FAM107B: variants seen among roughly 807,000 people sequenced by gnomAD.
FAM107B encodes family with sequence similarity 107 member B.
In FAM107B, 21 loss-of-function variants were observed where a neutral mutation model predicts 31.5. The observed-to-expected ratio is 0.67, with a 90% CI of 0.47 to 0.96. The LOEUF is 0.96. FAM107B is among the 40% of genes least tolerant of loss of function. The probability of loss-of-function intolerance (pLI) is 0.00; values close to 1 mark genes in which losing one functional copy is unlikely to be tolerated. For missense variants in FAM107B, 452 were observed against 377.1 expected (o/e 1.20, Z -1.64); for synonymous variants, 157 against 141.5 (o/e 1.11, Z -0.78).
At chr10:14,723,506 A>G in intron 1 of FAM107B, 1 of 603,234 alleles carries the variant, frequency 1.7e-6, no homozygotes, top group Non-Finnish European at 3.1e-6. Context: ...CCACACATGC[A>G]CAAAACTTCC....
At chr10:14,759,406 C>T (rs547763224) in intron 1 of FAM107B, among the ~76,000 whole-genome samples, 2 of 152,236 alleles carry the variant, frequency 1.3e-5, no homozygotes, top group South Asian at 2.1e-4. Context: ...TCTTTCCTGG[C>T]GCCATCCCCA....
At chr10:14,551,320 T>A (rs1849241581) in intron 2 of FAM107B, among the ~76,000 whole-genome samples, 1 of 152,108 alleles carries the variant, frequency 6.6e-6, no homozygotes, top group South Asian at 2.1e-4. Flanking sequence ...AATTTTTGTA[T>A]TTTCAGTAGA....
intron 2 of FAM107B, among the ~76,000 whole-genome samples, chr10:14,664,754 A>C (rs1005726692): frequency 6.6e-6 from 1 of 152,234 alleles, no homozygotes; most frequent in Non-Finnish European, 1.5e-5. Context: ...CATAATTCCT[A>C]TTACAATATC....
At chr10:14,536,443 C>A (rs578141833) in intron 2 of FAM107B, among the ~76,000 whole-genome samples, 7 of 152,144 alleles carry the variant, frequency 4.6e-5, no homozygotes, top group Admixed American at 3.9e-4. Flanking sequence ...ACCCAAGTTA[C>A]GTAAGGTGGA....
chr10:14,605,655 A>G (rs777699268), intron 2 of FAM107B, among the ~76,000 whole-genome samples: 115 of 152,302 alleles, frequency 7.6e-4, no homozygotes, highest in Middle Eastern at 3.4e-3. Flanking sequence ...TGAGGGGTGG[A>G]ATCCCTGCCA....
At chr10:14,574,782 ACCC>A (rs1851413123) in intron 2 of FAM107B, among the ~76,000 whole-genome samples, 1 of 151,976 alleles carries the variant, frequency 6.6e-6, no homozygotes, top group African/African-American at 2.4e-5. Flanking sequence ...AAGCATCTCC[ACCC>A]CCAACACAAG....
At chr10:14,591,827 T>A (rs1000533611) in intron 2 of FAM107B, among the ~76,000 whole-genome samples, 1 of 152,032 alleles carries the variant, frequency 6.6e-6, no homozygotes, top group Non-Finnish European at 1.5e-5. Flanking sequence ...ACTTCCAGTT[T>A]ACAGAAATAC....
intron 2 of FAM107B, among the ~76,000 whole-genome samples, chr10:14,570,588 G>A (rs2131260171): frequency 6.6e-6 from 1 of 152,240 alleles, no homozygotes; most frequent in Non-Finnish European, 1.5e-5. Flanking sequence ...TATCGCTTGT[G>A]GTCAGGAGTT....
intron 1 of FAM107B, among the ~76,000 whole-genome samples, chr10:14,689,171 G>C (rs1441094475): frequency 6.6e-6 from 1 of 151,946 alleles, no homozygotes; most frequent in African/African-American, 2.4e-5. Flanking sequence ...CTTGAGCTCA[G>C]GAGTTCGAGA....
At chr10:14,589,057 C>T (rs927947401) in intron 2 of FAM107B, among the ~76,000 whole-genome samples, 50 of 151,050 alleles carry the variant, frequency 3.3e-4, no homozygotes, top group African/African-American at 1.1e-3. Flanking sequence ...TGGTGCATGC[C>T]GGTGGTCTCA....
intron 1 of FAM107B, among the ~76,000 whole-genome samples, chr10:14,670,494 T>C (rs1050211196): frequency 6.6e-6 from 1 of 152,156 alleles, no homozygotes; most frequent in South Asian, 2.1e-4. Context: ...CAGTATATAA[T>C]GAAAACATGA....
intron 1 of FAM107B, among the ~76,000 whole-genome samples, chr10:14,737,704 G>A (rs1479993036): frequency 7.3e-5 from 11 of 151,582 alleles, no homozygotes. Flanking sequence ...CCCCAATCGA[G>A]AGGTTTCCCT....
At chr10:14,532,422 A>C (rs1385637159) in intron 2 of FAM107B, among the ~76,000 whole-genome samples, 3 of 152,242 alleles carry the variant, frequency 2.0e-5, no homozygotes, top group African/African-American at 7.2e-5. Context: ...ATGTAGCTGC[A>C]ACATTTGTTT....
intron 2 of FAM107B, among the ~76,000 whole-genome samples, chr10:14,577,695 CAGATCT>C (rs1851508351): frequency 6.6e-6 from 1 of 152,170 alleles, no homozygotes; most frequent in Non-Finnish European, 1.5e-5. Context: ...CCTTGAAACT[CAGATCT>C]GTAAACCTCT....
rs141217257 is a variant in FAM107B, at chr10:14,628,293, A to G, written c.469+39341T>C. On this transcript the variant is annotated intron_variant, in intron 2 of 4. Transcript: ENST00000181796. ...CATCACGCCCAGCTAACTTTTTTAT[A>G]TTTTTAGCAGAGATGGGGTTTCACC... 8.3e-3 allele frequency among the ~76,000 whole-genome samples: 1,250 copies of G among 151,080 alleles called. 8 individuals are homozygous for G. The highest frequency in any genetic ancestry group is 0.029 in the African/African-American group (1,201 of 41,228).
intron 1 of FAM107B, among the ~76,000 whole-genome samples, chr10:14,743,246 T>A (rs1201959742): frequency 6.6e-6 from 1 of 152,180 alleles, no homozygotes; most frequent in Non-Finnish European, 1.5e-5. Flanking sequence ...CCTTGTAGAT[T>A]CTGGATATTA....
intron 1 of FAM107B, among the ~76,000 whole-genome samples, chr10:14,766,348 C>T (rs1239466577): frequency 6.6e-6 from 1 of 152,208 alleles, no homozygotes; most frequent in Non-Finnish European, 1.5e-5. Context: ...TTATTTGCAG[C>T]ATGAGTTCTG....
chr10:14,571,551 T>C (rs945733028), intron 2 of FAM107B, among the ~76,000 whole-genome samples: 3 of 151,906 alleles, frequency 2.0e-5, no homozygotes, highest in African/African-American at 7.3e-5. Context: ...GAAAAAAAAA[T>C]AGTTCACAAC....
At chr10:14,708,989 A>G (rs888313400) in intron 1 of FAM107B, among the ~76,000 whole-genome samples, 2 of 151,840 alleles carry the variant, frequency 1.3e-5, no homozygotes, top group African/African-American at 4.8e-5. Flanking sequence ...AGATTAAAAC[A>G]ATGAGATACC....
Sources: gnomAD v4.1 joint callset for allele counts (sites outside exome capture counted in the v4.1 genomes callset) on GRCh38, gnomAD v4.1.1 for gene constraint, MANE v1.5 for transcripts, NCBI Gene and HGNC (gene_info 2026-07-23, HGNC 2026-07-21) for gene names.